Variants in IPO9 observed in about 807,000 individuals in gnomAD.
The protein encoded by IPO9 is importin 9.
A neutral mutation model predicts 128.6 loss-of-function variants in IPO9; 28 were observed. That is an observed-to-expected ratio of 0.22 (90% CI 0.16 to 0.30). The LOEUF (loss-of-function observed/expected upper bound fraction) is 0.30. IPO9 is among the 10% of genes least tolerant of loss of function. IPO9 has a pLI of 1.00. For synonymous variants in IPO9, 455 were observed against 475.8 expected (o/e 0.96, Z 0.57); for missense variants, 935 against 1,293.9 (o/e 0.72, Z 4.26).
intron 11 of IPO9, among the ~76,000 whole-genome samples, chr1:201,858,155 ATTG>A (rs1399057504): frequency 5.9e-5 from 9 of 152,216 alleles, no homozygotes; most frequent in Non-Finnish European, 1.0e-4. Context: ...TATTTGGTCC[ATTG>A]TCATCCAAAG....
In IPO9 at chr1:201,880,842, A is replaced by C. The variant is rs528419180; in HGVS notation, c.*4788A>C. On this transcript the variant is annotated 3_prime_UTR_variant, in exon 24 of 24. Coordinates refer to ENST00000361565, the MANE Select transcript of IPO9 (RefSeq NM_018085.5). ...TACTTCAAGTATCCATACAATCAGT[A>C]CAGTATTCAATAAATTACATGAGAC... 6.6e-6 allele frequency: 1 copy of C among 152,242 alleles called. No homozygotes were observed. Among genetic ancestry groups the C allele is most frequent in the Non-Finnish European group, 1.5e-5 (1 of 68,050 alleles). 9.4% of individuals were successfully genotyped at this position (152,242 alleles called of 1,614,324 possible). A position where few individuals can be genotyped will look rare whatever the true frequency, so the allele number is the denominator to read the frequency against.
At chr1:201,829,522 T>A (rs11585549) in intron 1 of IPO9, 150 bp downstream of exon 1, 62,528 of 703,154 alleles carry the variant, frequency 0.089, 3,041 homozygotes, top group Non-Finnish European at 0.099. Context: ...ATGTCGCTGG[T>A]GGTTGTGAAA....
intron 1 of IPO9, among the ~76,000 whole-genome samples, chr1:201,836,435 G>A (rs1006490541): frequency 6.6e-6 from 1 of 152,082 alleles, no homozygotes; most frequent in African/African-American, 2.4e-5. Context: ...ATCCAGGCTG[G>A]AGTGCAGTGG....
chr1:201,853,144 T>C (rs771697629), intron 6 of IPO9, 47 bp downstream of exon 6: 1 of 1,487,076 alleles, frequency 6.7e-7, no homozygotes, highest in East Asian at 2.3e-5. Flanking sequence ...TTAAAAGTTT[T>C]ATTCATGCAG....
At chr1:201,861,274 A>G (rs1680441110) in intron 13 of IPO9, among the ~76,000 whole-genome samples, 1 of 152,222 alleles carries the variant, frequency 6.6e-6, no homozygotes, top group Non-Finnish European at 1.5e-5. Context: ...GCTTCTGTAC[A>G]TTATCAGTTT....
Position 201,881,121 on chromosome 1 carries a change from AAAG to A in IPO9, c.*5068_*5070del, listed in dbSNP as rs1283088826. On this transcript the variant is annotated 3_prime_UTR_variant, in exon 24 of 24. Transcript: ENST00000361565. Reference sequence around the variant, plus strand: ...CTGGGTTTAGTTCCCACTGCCCAAAAAAGGAACTGGCTAATGGTAACCTGGGGG... The same window carrying A: ...CTGGGTTTAGTTCCCACTGCCCAAAAGAACTGGCTAATGGTAACCTGGGGG... 2 of 152,216 alleles carry A rather than the reference AAAG, an allele frequency of 1.3e-5. No homozygotes were observed. The highest frequency in any genetic ancestry group is 4.8e-5 in the African/African-American group (2 of 41,448). 9.4% of individuals were successfully genotyped at this position (152,216 alleles called of 1,614,324 possible).
chr1:201,856,695 T>C (rs1286190520), intron 10 of IPO9, among the ~76,000 whole-genome samples: 1 of 152,128 alleles, frequency 6.6e-6, no homozygotes, highest in African/African-American at 2.4e-5. Flanking sequence ...TTTTGTTTTG[T>C]TTGCTTTTTG....
chr1:201,862,978 G>C (rs935936622), intron 13 of IPO9, among the ~76,000 whole-genome samples: 3 of 152,170 alleles, frequency 2.0e-5, no homozygotes, highest in Non-Finnish European at 4.4e-5. Context: ...TCACACATTT[G>C]CTTTCATCAT....
intron 1 of IPO9, 91 bp downstream of exon 1, chr1:201,829,463 C>A (rs1455480101): frequency 3.4e-5 from 44 of 1,309,524 alleles, no homozygotes; most frequent in Admixed American, 6.6e-5. Context: ...GGAGCCTGAG[C>A]CAGTTGGAGA....
Position 201,858,873 on chromosome 1 carries a change from A to G in IPO9, c.1347A>G (p.Ala449=), listed in dbSNP as rs776925551. The G allele has an allele frequency of 3.1e-6, 5 of 1,607,494 alleles. No individual in the cohort carries two copies. In the Admixed American group the frequency reaches 8.3e-5, roughly 27 times the overall value. The part of the protein sequence containing the change: ...GTEHWWKIHE[A]CMLALGSVKA... ...TTCACAGGTGGAAGATCCATGAGGCATGCATGCTTGCCCTAGGCTCAGTGA... is the reference window on the plus strand; with the variant it reads ...TTCACAGGTGGAAGATCCATGAGGCGTGCATGCTTGCCCTAGGCTCAGTGA... Residue 449 remains alanine, a synonymous_variant, in exon 13 of 24, where the codon GCA becomes GCG. Transcript: ENST00000361565.
intron 1 of IPO9, among the ~76,000 whole-genome samples, chr1:201,845,967 G>T (rs1295963612): frequency 6.6e-6 from 1 of 152,132 alleles, no homozygotes; most frequent in Non-Finnish European, 1.5e-5. Context: ...TTGGAGCCAG[G>T]CACAGTGGCG....
intron 8 of IPO9, 72 bp downstream of exon 8, chr1:201,854,995 C>T: frequency 7.3e-7 from 1 of 1,376,170 alleles, no homozygotes; most frequent in East Asian, 2.3e-5. Context: ...GTTTCACATT[C>T]ATATGGTTCC....
intron 4 of IPO9, among the ~76,000 whole-genome samples, chr1:201,851,173 A>G (rs1259569665): frequency 7.2e-6 from 1 of 138,388 alleles, no homozygotes; most frequent in African/African-American, 2.6e-5. Flanking sequence ...ATGCCACCAC[A>G]TGCAGCTTTT....
intron 1 of IPO9, among the ~76,000 whole-genome samples, chr1:201,836,575 G>A (rs142259408): frequency 5.1e-4 from 77 of 152,112 alleles, no homozygotes; most frequent in African/African-American, 1.6e-3. Flanking sequence ...TTTATAGCAC[G>A]GAGTTTACCA....
At chr1:201,852,253 C>A in intron 5 of IPO9, 61 bp downstream of exon 5, 1 of 1,052,920 alleles carries the variant, frequency 9.5e-7, no homozygotes, top group Non-Finnish European at 1.5e-6. Context: ...CCCAGCCTTT[C>A]AGGTGGGAGA....
intron 13 of IPO9, 54 bp from the exon 14 acceptor site, chr1:201,863,394 C>T (rs1184907323): frequency 1.3e-6 from 2 of 1,481,560 alleles, no homozygotes; most frequent in Non-Finnish European, 1.8e-6. Flanking sequence ...AGAGAAAGAA[C>T]AAGTAAAAGG....
At chr1:201,845,473 A>G (rs868705925) in intron 1 of IPO9, among the ~76,000 whole-genome samples, 1 of 152,216 alleles carries the variant, frequency 6.6e-6, no homozygotes, top group African/African-American at 2.4e-5. Flanking sequence ...TGATGAGCCT[A>G]TTGTGACCTA....
chr1:201,829,510 T>C, intron 1 of IPO9, 138 bp downstream of exon 1: 1 of 852,378 alleles, frequency 1.2e-6, no homozygotes, highest in South Asian at 2.8e-5. Context: ...AGCGAGAGAT[T>C]GATGTCGCTG....
At chr1:201,871,406 T>G (rs1159879136) in intron 19 of IPO9, 79 bp downstream of exon 19, 3 of 645,702 alleles carry the variant, frequency 4.6e-6, no homozygotes, top group Non-Finnish European at 6.7e-6. Context: ...TTTTTTTTTT[T>G]GAGACAGTCT....
Sources: gnomAD v4.1 joint callset for allele counts (sites outside exome capture counted in the v4.1 genomes callset) on GRCh38, gnomAD v4.1.1 for gene constraint, MANE v1.5 for transcripts, NCBI Gene and HGNC (gene_info 2026-07-23, HGNC 2026-07-21) for gene names.